The following INTS8 variants were observed in gnomAD, a reference collection of about 807,000 sequenced individuals.
The protein encoded by INTS8 is protein kaonashi-1.
Under a neutral mutation model 138.9 loss-of-function variants are expected in INTS8, and 47 were observed. The observed-to-expected ratio is 0.34, with a 90% CI of 0.27 to 0.43. The LOEUF (loss-of-function observed/expected upper bound fraction) is 0.43. Among genes scored for constraint, INTS8 ranks in the 20% least tolerant of loss-of-function variants. The pLI is 1.00. For synonymous variants in INTS8, 392 were observed against 400.9 expected (o/e 0.98, Z 0.27); for missense variants, 996 against 1,173.0 (o/e 0.85, Z 2.20).
chr8:94,871,825 C>A, intron 20 of INTS8, 59 bp from the exon 21 acceptor site: 1 of 912,514 alleles, frequency 1.1e-6, no homozygotes, highest in Non-Finnish European at 1.8e-6. Flanking sequence ...TAAATACATG[C>A]ATGGAATTTA....
rs1322576102 is a variant in INTS8, at chr8:94,856,892, A to T, written c.1868A>T (p.His623Leu). The part of the protein sequence containing the change: ...NEMLLLDIHT[H>L]EAGTGQAGER... ...ATGTTGCTTTTGGATATTCATACAC[A>T]CGAAGCTGGGACAGGGCAGGCAGGA... Residue 623 changes from histidine to leucine, a missense_variant, in exon 15 of 27, where the codon CAC becomes CTC. Coordinates refer to ENST00000523731, the MANE Select transcript of INTS8 (RefSeq NM_017864.4). 2 of 1,613,992 alleles carry T rather than the reference A, an allele frequency of 1.2e-6. No homozygotes were observed. The highest frequency in any genetic ancestry group is 3.3e-5 in the Admixed American group (2 of 59,992).
In INTS8 at chr8:94,880,263, TTAAACAATGGGC is replaced by T. The variant is rs1474823668; in HGVS notation, c.*34_*45del. ...GTTAAATTTTTTTAACTTTTATTTT[TTAAACAATGGGC>T]TAAAAATAAACAGTATTAAAAGGTT... On this transcript the variant is annotated 3_prime_UTR_variant, in exon 27 of 27. Coordinates refer to ENST00000523731, the MANE Select transcript of INTS8 (RefSeq NM_017864.4). The T allele has an allele frequency of 2.5e-6, 3 of 1,190,974 alleles. No individual in the cohort carries two copies. The African/African-American group carries it at 4.7e-5, about 18-fold the overall frequency. The allele number at this position is 1,190,974 out of a possible 1,614,324, so 73.8% of individuals were successfully genotyped here. A position where few individuals can be genotyped will look rare whatever the true frequency, so the allele number is the denominator to read the frequency against.
intron 10 of INTS8, among the ~76,000 whole-genome samples, chr8:94,848,602 GCTT>G (rs1563653798): frequency 6.6e-6 from 1 of 151,916 alleles, no homozygotes; most frequent in African/African-American, 2.4e-5. Context: ...TTTGTAACTG[GCTT>G]CTTAGCACGT....
chr8:94,834,859 C>T (rs114840532), intron 6 of INTS8, among the ~76,000 whole-genome samples: 1 of 152,236 alleles, frequency 6.6e-6, no homozygotes, highest in African/African-American at 2.4e-5. Context: ...TGATGAATAC[C>T]AGGCATGATT....
intron 16 of INTS8, among the ~76,000 whole-genome samples, chr8:94,861,935 C>CA (rs1816003883): frequency 6.6e-6 from 1 of 151,624 alleles, no homozygotes; most frequent in Admixed American, 6.6e-5. Context: ...GACATTGAAT[C>CA]ATATCTATCT....
chr8:94,849,556 T>C (rs926488762), intron 11 of INTS8, 24 bp downstream of exon 11: 32 of 1,387,034 alleles, frequency 2.3e-5, no homozygotes, highest in Non-Finnish European at 3.1e-5. Context: ...TTTTCTTTTT[T>C]CTTTTTTTTT....
intron 5 of INTS8, among the ~76,000 whole-genome samples, chr8:94,831,484 T>TTC (rs200203880): frequency 0.027 from 3,774 of 139,566 alleles, 64 homozygotes; most frequent in Non-Finnish European, 0.04. Flanking sequence ...GTCTTTTTCT[T>TTC]TTTTTTTTTT....
At chr8:94,873,591 T>A (rs534858586) in intron 22 of INTS8, 114 bp downstream of exon 22, 1 of 705,102 alleles carries the variant, frequency 1.4e-6, no homozygotes, top group African/African-American at 1.8e-5. Context: ...AGTCCCAGGT[T>A]CATGGCTCTA....
In INTS8 at chr8:94,825,073, C is replaced by A; in HGVS notation, c.305+6C>A. 1 of 1,576,878 alleles carries A rather than the reference C, an allele frequency of 6.3e-7. No individual in the cohort carries two copies. Among genetic ancestry groups the A allele is most frequent in the Non-Finnish European group, 8.7e-7 (1 of 1,152,056 alleles). ...TTAGACATATTAGAGAAAAGGTATCCAAGATTTCAGTGAAATTTCATTTGA... is the reference window on the plus strand; with the variant it reads ...TTAGACATATTAGAGAAAAGGTATCAAAGATTTCAGTGAAATTTCATTTGA... On this transcript the variant is annotated splice_donor_region_variant and intron_variant, in intron 2 of 26. Coordinates refer to ENST00000523731, the MANE Select transcript of INTS8 (RefSeq NM_017864.4).
intron 10 of INTS8, among the ~76,000 whole-genome samples, chr8:94,845,381 T>C (rs912675173): frequency 6.6e-6 from 1 of 152,166 alleles, no homozygotes; most frequent in Non-Finnish European, 1.5e-5. Flanking sequence ...TTCTGAGCCA[T>C]TTTATACCAC....
At chr8:94,830,391 T>C (rs963693383) in intron 5 of INTS8, among the ~76,000 whole-genome samples, 1 of 152,236 alleles carries the variant, frequency 6.6e-6, no homozygotes, top group South Asian at 2.1e-4. Context: ...ATATTTTGAA[T>C]GTGGAAGCCA....
chr8:94,873,342 T>G (rs1816465929), intron 21 of INTS8, 32 bp from the exon 22 acceptor site: 2 of 1,450,794 alleles, frequency 1.4e-6, no homozygotes, highest in Non-Finnish European at 1.9e-6. Context: ...AACTGTTACC[T>G]CTAATGCTTT....
chr8:94,876,334 A>C, intron 25 of INTS8, 49 bp downstream of exon 25: 1 of 1,486,770 alleles, frequency 6.7e-7, no homozygotes, highest in South Asian at 1.2e-5. Context: ...ATTTTTATAA[A>C]TTAAAGGAAT....
intron 6 of INTS8, 101 bp from the exon 7 acceptor site, chr8:94,836,423 C>T: frequency 2.3e-6 from 2 of 868,570 alleles, no homozygotes; most frequent in Non-Finnish European, 3.6e-6. Flanking sequence ...TTTTTTATGT[C>T]TTTTTTTCTG....
Position 94,880,334 on chromosome 8 carries a change from GTGT to G in INTS8, c.*102_*104del, listed in dbSNP as rs1816759938. On this transcript the variant is annotated 3_prime_UTR_variant, in exon 27 of 27. Transcript: ENST00000523731. ...ATAATACATATGTACACAATTAGTG[GTGT>G]TTTCTTTTCAGACAAAATACTGAAA... 3.3e-6 allele frequency: 2 copies of G among 605,222 alleles called. No homozygotes were observed. Among genetic ancestry groups the G allele is most frequent in the African/African-American group, 1.9e-5 (1 of 53,204 alleles). 37.5% of individuals were successfully genotyped at this position (605,222 alleles called of 1,614,324 possible).
intron 6 of INTS8, 113 bp from the exon 7 acceptor site, chr8:94,836,411 G>GT: frequency 3.8e-6 from 3 of 782,196 alleles, no homozygotes; most frequent in Non-Finnish European, 6.2e-6. Context: ...TGGAATATGT[G>GT]TTTTTTTATG....
intron 6 of INTS8, among the ~76,000 whole-genome samples, chr8:94,832,979 T>C (rs1814782801): frequency 1.3e-5 from 2 of 152,054 alleles, no homozygotes; most frequent in Non-Finnish European, 2.9e-5. Flanking sequence ...TTTGTGTGTT[T>C]ATGTCTTCTT....
At chr8:94,824,531 A>C (rs971054723) in intron 1 of INTS8, among the ~76,000 whole-genome samples, 8 of 152,152 alleles carry the variant, frequency 5.3e-5, no homozygotes, top group African/African-American at 1.7e-4. Flanking sequence ...TGTCAAAATA[A>C]TAGTTCTAAT....
At chr8:94,836,665 G>A in intron 7 of INTS8, 34 bp downstream of exon 7, 1 of 1,311,246 alleles carries the variant, frequency 7.6e-7, no homozygotes, top group South Asian at 1.2e-5. Context: ...TTAATGTTCA[G>A]TTCTTTAAAA....
Sources: allele counts gnomAD v4.1 joint callset (sites outside exome capture counted in the v4.1 genomes callset), GRCh38; gene constraint gnomAD v4.1.1; transcripts MANE v1.5; gene names NCBI Gene and HGNC (gene_info 2026-07-23, HGNC 2026-07-21).